The following MPDZ variants were observed in gnomAD, a reference collection of about 807,000 sequenced individuals.
MPDZ encodes the protein multiple PDZ domain protein.
A neutral mutation model predicts 239.1 loss-of-function variants in MPDZ; 234 were observed. That is an observed-to-expected ratio of 0.98 (90% CI 0.88 to 1.09). The LOEUF (loss-of-function observed/expected upper bound fraction) is 1.09, where lower values mean the gene tolerates loss of function less well. MPDZ is among the 50% of genes least tolerant of loss of function. The probability of loss-of-function intolerance (pLI) is 0.00; values close to 1 mark genes in which losing one functional copy is unlikely to be tolerated. For synonymous variants in MPDZ, 1,048 were observed against 881.3 expected, an observed-to-expected ratio of 1.19 and a Z score of -3.35; for missense variants, 3,175 against 2,510.0, an observed-to-expected ratio of 1.26 and a Z score of -5.66.
At chr9:13,141,813 G>C (rs764802715) in intron 27 of MPDZ, among the ~76,000 whole-genome samples, 11 of 152,138 alleles carry the variant, frequency 7.2e-5, no homozygotes, top group Non-Finnish European at 1.3e-4. Flanking sequence ...ATTTAAGGGC[G>C]TAAGTGTCAG....
chr9:13,238,016 T>TG (rs1964513573), intron 3 of MPDZ, among the ~76,000 whole-genome samples: 1 of 152,112 alleles, frequency 6.6e-6, no homozygotes, highest in Non-Finnish European at 1.5e-5. Context: ...GATTTCACAG[T>TG]GATATAGGAG....
intron 32 of MPDZ, among the ~76,000 whole-genome samples, chr9:13,129,319 C>A (rs112419944): frequency 0.013 from 1,988 of 151,810 alleles, 25 homozygotes; most frequent in Non-Finnish European, 0.02. Context: ...AAAAGTTAGC[C>A]GGGCATGGTG....
intron 10 of MPDZ, 94 bp from the exon 11 acceptor site, chr9:13,206,193 T>C (rs1956973364): frequency 2.6e-5 from 30 of 1,166,916 alleles, no homozygotes; most frequent in Non-Finnish European, 3.4e-5. Context: ...GTTGTTAGTG[T>C]GAAAAGAATG....
intron 24 of MPDZ, among the ~76,000 whole-genome samples, chr9:13,153,075 G>A (rs527990906): frequency 9.2e-5 from 14 of 152,100 alleles, no homozygotes; most frequent in Non-Finnish European, 1.6e-4. Flanking sequence ...TGTCAAACAT[G>A]TCTTCAACAC....
At chr9:13,202,772 G>A (rs575635962) in intron 12 of MPDZ, among the ~76,000 whole-genome samples, 1 of 152,284 alleles carries the variant, frequency 6.6e-6, no homozygotes, top group South Asian at 2.1e-4. Context: ...GAGGAAGGGT[G>A]CAGCTCAGCC....
intron 12 of MPDZ, among the ~76,000 whole-genome samples, chr9:13,204,426 C>A (rs146103579): frequency 6.6e-6 from 1 of 151,826 alleles, no homozygotes. Context: ...GTCTCTAATA[C>A]GAATAATAAT....
intron 1 of MPDZ, among the ~76,000 whole-genome samples, chr9:13,259,288 C>G (rs1378143431): frequency 1.3e-5 from 2 of 151,712 alleles, no homozygotes; most frequent in East Asian, 2.0e-4. Context: ...AGCCTGAGAT[C>G]GAGCCACCAC....
chr9:13,258,552 G>A (rs1172885876), intron 1 of MPDZ, among the ~76,000 whole-genome samples: 2 of 152,142 alleles, frequency 1.3e-5, no homozygotes, highest in East Asian at 3.9e-4. Context: ...AAATCCAATT[G>A]TCCATAACAG....
Position 13,110,637 on chromosome 9 carries a change from T to C in MPDZ, c.5828A>G (p.Gln1943Arg). The C allele has an allele frequency of 6.2e-7, 1 of 1,612,290 alleles. No homozygotes were observed. Among genetic ancestry groups the C allele is most frequent in the South Asian group, 1.1e-5 (1 of 90,840 alleles). The stretch of plus-strand genomic sequence containing the variant: ...TTATGCTTGGGATAAAAATCTTACC[T>C]GCATTTCAATGGAGCCAGATGCATT... The part of the protein sequence containing the change: ...LKNASGSIEM[Q>R]VVAGGDVSVV... The change falls in exon 44 of 47, where the codon CAG (glutamine) becomes CGG (arginine). Residue 1943 changes from glutamine (Q) to arginine (R), a missense_variant and splice_region_variant. Physicochemically the swap from Gln to Arg is conservative, Grantham distance 43. Transcript: ENST00000319217.
At chr9:13,231,017 A>G (rs1962268343) in intron 3 of MPDZ, among the ~76,000 whole-genome samples, 1 of 152,186 alleles carries the variant, frequency 6.6e-6, no homozygotes, top group Non-Finnish European at 1.5e-5. Flanking sequence ...TGCAGCAAAA[A>G]TCAACAAAAC....
Position 13,112,160 on chromosome 9 carries a change from G to C in MPDZ, c.5602-14C>G. The C allele has an allele frequency of 1.3e-6, 2 of 1,594,480 alleles. No homozygotes were observed. Among genetic ancestry groups the C allele is most frequent in the Non-Finnish European group, 1.7e-6 (2 of 1,169,186 alleles). On this transcript the variant is annotated splice_polypyrimidine_tract_variant and intron_variant, in intron 42 of 46. Transcript: ENST00000319217. ...GTCAGTAGGGCCCTGCCATGGAACA[G>C]ATATAAAATTTTGGTCAAAGTGATA...
chr9:13,138,374 C>A (rs776693744), intron 28 of MPDZ, among the ~76,000 whole-genome samples: 6 of 152,116 alleles, frequency 3.9e-5, no homozygotes, highest in Non-Finnish European at 8.8e-5. Context: ...GTGCAGAGAG[C>A]ACAATGTCTG....
Position 13,106,947 on chromosome 9 carries a change from T to A in MPDZ, c.*18A>T. 1 of 1,613,010 alleles carries A rather than the reference T, an allele frequency of 6.2e-7. No individual in the cohort carries two copies. Among genetic ancestry groups the A allele is most frequent in the East Asian group, 2.2e-5 (1 of 44,872 alleles). On this transcript the variant is annotated 3_prime_UTR_variant, in exon 47 of 47. Coordinates refer to ENST00000319217, the MANE Select transcript of MPDZ (RefSeq NM_001378778.1). Reference sequence around the variant, plus strand: ...GAGGTGAGCTAGGGGTTGGGTTGGTTCAATTCTGGCAGCCAATTCAAGAGA... The same window carrying A: ...GAGGTGAGCTAGGGGTTGGGTTGGTACAATTCTGGCAGCCAATTCAAGAGA...
In MPDZ at chr9:13,223,697, T is replaced by C; in HGVS notation, c.407A>G (p.Glu136Gly). Residue 136 changes from glutamate to glycine, a missense_variant, in exon 5 of 47, where the codon GAA becomes GGA. Coordinates refer to ENST00000319217, the MANE Select transcript of MPDZ (RefSeq NM_001378778.1). ...TGGAGGTTTGAGGAGCTCAAAAACT[T>C]CTACATGGCGACCCTGTTTAGGAAA... ...IKNMAQGRHV[E>G]VFELLKPPSG... 6.2e-7 allele frequency: 1 copy of C among 1,604,320 alleles called. No homozygotes were observed. Among genetic ancestry groups the C allele is most frequent in the Non-Finnish European group, 8.5e-7 (1 of 1,175,060 alleles).
chr9:13,111,720 A>G lies in MPDZ; in HGVS notation c.5724+304T>C, dbSNP rs1162917879. Among the ~76,000 whole-genome samples the G allele has an allele frequency of 5.3e-5, 8 of 152,222 alleles. No individual in the cohort carries two copies. In the East Asian group the frequency reaches 1.5e-3, roughly 29 times the overall value. On this transcript the variant is annotated intron_variant, in intron 43 of 46. Coordinates refer to ENST00000319217, the MANE Select transcript of MPDZ (RefSeq NM_001378778.1). ...ATATATAAGATAAAAATTTCACTTC[A>G]TACTGGTGTTCTGAAAATACTTTCT...
In MPDZ at chr9:13,162,822, T is replaced by G. The variant is rs750095371; in HGVS notation, c.3255-27A>C. ...TGGAACAAACCAGAATCCATGGAAG[T>G]GAAGGGAAATAATATTTTGCCTAAT... On this transcript the variant is annotated intron_variant, in intron 22 of 46. Coordinates refer to ENST00000319217, the MANE Select transcript of MPDZ (RefSeq NM_001378778.1). 3.4e-6 allele frequency: 5 copies of G among 1,488,436 alleles called. No homozygotes were observed. In the African/African-American group the frequency reaches 5.5e-5, roughly 16 times the overall value. The allele number at this position is 1,488,436 out of a possible 1,614,324, so 92.2% of individuals were successfully genotyped here.
Position 13,196,331 on chromosome 9 carries a change from G to A in MPDZ, c.1547-101C>T, listed in dbSNP as rs1052811657. The A allele has an allele frequency of 2.9e-5, 20 of 701,398 alleles. No individual in the cohort carries two copies. In the African/African-American group the frequency reaches 2.9e-4, roughly 10 times the overall value. 43.4% of individuals were successfully genotyped at this position (701,398 alleles called of 1,614,324 possible). A position where few individuals can be genotyped will look rare whatever the true frequency, so the allele number is the denominator to read the frequency against. ...CTCTGATCAGAACCCGCTGTATCAC[G>A]TCAGACTCTTCGCCCAATATATGGG... On this transcript the variant is annotated intron_variant, in intron 12 of 46. Transcript: ENST00000319217.
intron 26 of MPDZ, 43 bp from the exon 27 acceptor site, chr9:13,143,607 T>C (rs374806978): frequency 2.7e-5 from 41 of 1,511,264 alleles, no homozygotes; most frequent in African/African-American, 2.6e-4. Flanking sequence ...AGGAAATGTA[T>C]TGAAAACAAC....
intron 12 of MPDZ, among the ~76,000 whole-genome samples, chr9:13,200,311 G>T (rs1319180822): frequency 6.6e-6 from 1 of 151,848 alleles, no homozygotes; most frequent in Non-Finnish European, 1.5e-5. Flanking sequence ...ATTTGTCTCT[G>T]ATTTTATCTA....
Sources: gnomAD v4.1 joint callset for allele counts (sites outside exome capture counted in the v4.1 genomes callset) on GRCh38, gnomAD v4.1.1 for gene constraint, MANE v1.5 for transcripts, NCBI Gene and HGNC (gene_info 2026-07-23, HGNC 2026-07-21) for gene names.